The following CDC42BPA variants were observed in gnomAD, a reference collection of about 807,000 sequenced individuals.
CDC42BPA encodes CDC42 binding protein kinase alpha.
CDC42BPA carries 80 observed loss-of-function variants against 223.5 expected under a neutral mutation model. That is an observed-to-expected ratio of 0.36 (90% confidence interval 0.30 to 0.43). The LOEUF (loss-of-function observed/expected upper bound fraction) is 0.43, where lower values mean the gene tolerates loss of function less well. Among genes scored for constraint, CDC42BPA ranks in the 20% least tolerant of loss-of-function variants. CDC42BPA has a pLI of 1.00. For missense variants in CDC42BPA, 1,743 were observed against 2,099.9 expected (o/e 0.83, Z 3.32); for synonymous variants, 694 against 718.6 (o/e 0.97, Z 0.55).
intron 11 of CDC42BPA, among the ~76,000 whole-genome samples, chr1:227,127,154 T>G (rs1314741068): frequency 6.6e-6 from 1 of 152,136 alleles, no homozygotes; most frequent in Non-Finnish European, 1.5e-5. Flanking sequence ...AAATTAAAAA[T>G]ACGATACCAT....
intron 5 of CDC42BPA, among the ~76,000 whole-genome samples, chr1:227,164,980 G>A (rs911652895): frequency 6.6e-6 from 1 of 152,094 alleles, no homozygotes; most frequent in Non-Finnish European, 1.5e-5. Context: ...GTAGAGTGAG[G>A]GTTGGGATAA....
Position 226,992,252 on chromosome 1 carries a change from C to T in CDC42BPA, c.*2016G>A, listed in dbSNP as rs1376221399. ...GAGAAAAGTATTTTTATACTTCATT[C>T]TAAAAAGCAGAAAGATTTGGGAGAT... On this transcript the variant is annotated 3_prime_UTR_variant, in exon 37 of 37. Transcript: ENST00000366766. The T allele has an allele frequency of 6.6e-6, 1 of 152,216 alleles. No individual in the cohort carries two copies. The highest frequency in any genetic ancestry group is 1.5e-5 in the Non-Finnish European group (1 of 68,038). 9.4% of individuals were successfully genotyped at this position (152,216 alleles called of 1,614,324 possible).
At chr1:227,200,870 T>A (rs1471901736) in intron 3 of CDC42BPA, among the ~76,000 whole-genome samples, 3 of 152,204 alleles carry the variant, frequency 2.0e-5, no homozygotes, top group Non-Finnish European at 4.4e-5. Flanking sequence ...ATTAGACTTT[T>A]AAGTGGTTGC....
intron 7 of CDC42BPA, among the ~76,000 whole-genome samples, chr1:227,146,656 T>C (rs927591180): frequency 6.6e-6 from 1 of 152,154 alleles, no homozygotes; most frequent in African/African-American, 2.4e-5. Context: ...GTACTAAATA[T>C]ATTAACGTTT....
chr1:227,306,649 C>T (rs1302014082), intron 1 of CDC42BPA, among the ~76,000 whole-genome samples: 1 of 152,162 alleles, frequency 6.6e-6, no homozygotes, highest in Non-Finnish European at 1.5e-5. Flanking sequence ...TATGGAAAAG[C>T]TTTATGATAT....
At chr1:227,078,875 A>T (rs961998421) in intron 17 of CDC42BPA, among the ~76,000 whole-genome samples, 2 of 152,180 alleles carry the variant, frequency 1.3e-5, no homozygotes, top group Non-Finnish European at 2.9e-5. Flanking sequence ...CCAAATCTGG[A>T]ACTTTTTGAG....
intron 1 of CDC42BPA, among the ~76,000 whole-genome samples, chr1:227,263,527 T>C (rs1684455278): frequency 1.3e-5 from 2 of 152,264 alleles, no homozygotes; most frequent in South Asian, 4.1e-4. Flanking sequence ...GAACTTTTCT[T>C]TTATGCCCAC....
At chr1:227,124,397 T>C (rs1365352506) in intron 11 of CDC42BPA, among the ~76,000 whole-genome samples, 1 of 152,064 alleles carries the variant, frequency 6.6e-6, no homozygotes, top group African/African-American at 2.4e-5. Flanking sequence ...TTTGGAGGTA[T>C]ATTTTTTTTC....
intron 1 of CDC42BPA, among the ~76,000 whole-genome samples, chr1:227,289,584 T>G (rs193109005): frequency 6.6e-6 from 1 of 152,188 alleles, no homozygotes; most frequent in Admixed American, 6.5e-5. Flanking sequence ...CAAATTATAA[T>G]GTAAGCTCCA....
At chr1:227,012,477 CCA>C (rs1665414750) in intron 34 of CDC42BPA, among the ~76,000 whole-genome samples, 1 of 152,046 alleles carries the variant, frequency 6.6e-6, no homozygotes, top group Admixed American at 6.6e-5. Context: ...ACTTCTCCTT[CCA>C]CATTCAAAAA....
chr1:227,161,024 A>G (rs1174150633), intron 5 of CDC42BPA, among the ~76,000 whole-genome samples: 2 of 152,248 alleles, frequency 1.3e-5, no homozygotes, highest in African/African-American at 2.4e-5. Flanking sequence ...AGGGAAAAAT[A>G]TACTTTCTAG....
At chr1:227,288,886 T>G (rs945365774) in intron 1 of CDC42BPA, among the ~76,000 whole-genome samples, 5 of 147,012 alleles carry the variant, frequency 3.4e-5, no homozygotes, top group South Asian at 2.2e-4. Flanking sequence ...CCCAGCTATT[T>G]GGGAGGCTGA....
At chr1:227,200,453 A>AAG (rs1671556456) in intron 3 of CDC42BPA, among the ~76,000 whole-genome samples, 2 of 151,092 alleles carry the variant, frequency 1.3e-5, no homozygotes, top group African/African-American at 2.4e-5. Flanking sequence ...AACAAAAAAA[A>AAG]AACGAAAGAA....
At position 227,147,352 on chromosome 1, in the gene CDC42BPA, T is replaced by C. The variant is rs1234118004; in HGVS notation, c.894+7A>G. On this transcript the variant is annotated splice_region_variant and intron_variant, in intron 7 of 36. Coordinates refer to ENST00000366766, the MANE Select transcript of CDC42BPA (RefSeq NM_001394014.1). Reference sequence around the variant, plus strand: ...CATTAATTTGAACAAAAGTAAAACATACTAACTTTGTGGTTCATGATTTTT... The same window carrying C: ...CATTAATTTGAACAAAAGTAAAACACACTAACTTTGTGGTTCATGATTTTT... 4 of 1,600,550 alleles carry C rather than the reference T, an allele frequency of 2.5e-6. No individual in the cohort carries two copies. The highest frequency in any genetic ancestry group is 1.7e-4 in the Middle Eastern group (1 of 6,022).
At chr1:227,023,658 T>C (rs1484002736) in intron 31 of CDC42BPA, among the ~76,000 whole-genome samples, 1 of 152,174 alleles carries the variant, frequency 6.6e-6, no homozygotes, top group Non-Finnish European at 1.5e-5. Flanking sequence ...TAAGCAGATA[T>C]CAACACAGCT....
intron 15 of CDC42BPA, among the ~76,000 whole-genome samples, chr1:227,094,502 TACTTGTA>T (rs558848379): frequency 6.6e-6 from 1 of 152,312 alleles, no homozygotes; most frequent in East Asian, 1.9e-4. Flanking sequence ...TTTAAAACCC[TACTTGTA>T]ACAAAGACCT....
chr1:227,277,340 A>G (rs770204226), intron 1 of CDC42BPA, among the ~76,000 whole-genome samples: 2 of 152,140 alleles, frequency 1.3e-5, no homozygotes, highest in Non-Finnish European at 2.9e-5. Flanking sequence ...AATTTTTCCA[A>G]ACGTCTCAAT....
intron 21 of CDC42BPA, among the ~76,000 whole-genome samples, chr1:227,063,725 T>C (rs1475489985): frequency 6.6e-6 from 1 of 152,124 alleles, no homozygotes; most frequent in African/African-American, 2.4e-5. Flanking sequence ...ATTTTGGTCA[T>C]AGGACTAAAA....
In CDC42BPA at chr1:227,005,027, G is replaced by C; in HGVS notation, c.4942C>G (p.Arg1648Gly). 1 of 1,614,080 alleles carries C rather than the reference G, an allele frequency of 6.2e-7. No individual in the cohort carries two copies. Among genetic ancestry groups the C allele is most frequent in the Non-Finnish European group, 8.5e-7 (1 of 1,179,932 alleles). Reference sequence around the variant, plus strand: ...AAGCCACTGCTAGCACTCATGGAGCGGCCTGGCTCAGGGCGGGATTTGGTG... The same window carrying C: ...AAGCCACTGCTAGCACTCATGGAGCCGCCTGGCTCAGGGCGGGATTTGGTG... ...SITKSRPEPG[R>G]SMSASSGLSA... is the part of the protein sequence containing the mutation. The change falls in exon 35 of 37, where the codon CGC becomes GGC. Residue 1648 changes from arginine to glycine, a missense_variant. Around this residue, in one of 6 missense-constraint regions of CDC42BPA, gnomAD observed 200 missense variants for 192.8 expected, o/e 1.04. Coordinates refer to ENST00000366766, the MANE Select transcript of CDC42BPA (RefSeq NM_001394014.1).
Sources: allele counts gnomAD v4.1 joint callset (sites outside exome capture counted in the v4.1 genomes callset), GRCh38; gene constraint gnomAD v4.1.1; regional missense constraint gnomAD v4.1.1; transcripts MANE v1.5; gene names NCBI Gene and HGNC (gene_info 2026-07-23, HGNC 2026-07-21).